The following RUVBL2 variants were observed in gnomAD, a reference collection of about 807,000 sequenced individuals.
RUVBL2 encodes ruvB-like 2.
Under a neutral mutation model 57.9 loss-of-function variants are expected in RUVBL2, and 9 were observed. The observed-to-expected ratio is 0.16, with a 90% CI of 0.09 to 0.27. The LOEUF is 0.27. RUVBL2 is among the 10% of genes least tolerant of loss of function. The pLI is 1.00. For missense variants in RUVBL2, 456 were observed against 669.6 expected (o/e 0.68, Z 3.52); for synonymous variants, 278 against 264.6 (o/e 1.05, Z -0.49).
intron 8 of RUVBL2, 192 bp from the exon 9 acceptor site, chr19:49,010,296 G>C: frequency 1.4e-6 from 1 of 690,388 alleles, no homozygotes; most frequent in Non-Finnish European, 2.4e-6. Flanking sequence ...GGGAGCCCCC[G>C]TGACCCTCAG....
At chr19:49,003,674 C>T (rs1336543437) in intron 3 of RUVBL2, among the ~76,000 whole-genome samples, 3 of 151,758 alleles carry the variant, frequency 2.0e-5, no homozygotes, top group Admixed American at 6.6e-5. Context: ...ATTCCAGCTA[C>T]TCAAGAGCCT....
chr19:49,010,540 T>G lies in RUVBL2; in HGVS notation c.716T>G (p.Val239Gly). Residue 239 changes from valine (V) to glycine (G), a missense_variant, in exon 9 of 15, where the codon GTG (valine) becomes GGG (glycine). Coordinates refer to ENST00000595090, the MANE Select transcript of RUVBL2 (RefSeq NM_006666.3). ...GAGCTCCAGAAACGCAAGGAGGTGGTGCACACCGTGTCCCTGCACGAGATC... is the reference window on the plus strand; with the variant it reads ...GAGCTCCAGAAACGCAAGGAGGTGGGGCACACCGTGTCCCTGCACGAGATC... ...DGELQKRKEV[V>G]HTVSLHEIDV... is the part of the protein sequence containing the mutation. 1 of 1,571,504 alleles carries G rather than the reference T, an allele frequency of 6.4e-7. No individual in the cohort carries two copies. The highest frequency in any genetic ancestry group is 8.6e-7 in the Non-Finnish European group (1 of 1,161,678).
Position 49,007,292 on chromosome 19 carries a change from C to T in RUVBL2, c.396-10C>T. 2 of 1,613,512 alleles carry T rather than the reference C, an allele frequency of 1.2e-6. No individual in the cohort carries two copies. Among genetic ancestry groups the T allele is most frequent in the Non-Finnish European group, 1.7e-6 (2 of 1,179,706 alleles). On this transcript the variant is annotated splice_polypyrimidine_tract_variant and intron_variant, in intron 5 of 14. Coordinates refer to ENST00000595090, the MANE Select transcript of RUVBL2 (RefSeq NM_006666.3). Reference sequence around the variant, plus strand: ...GTCAGGCTGTCTCCTCAGATCTGCTCTCTGGCTAGGGAGGAGACGGAGATC... The same window carrying T: ...GTCAGGCTGTCTCCTCAGATCTGCTTTCTGGCTAGGGAGGAGACGGAGATC...
In RUVBL2 at chr19:49,011,769, G is replaced by A. The variant is rs1383783989; in HGVS notation, c.1001+459G>A. 1.3e-5 allele frequency among the ~76,000 whole-genome samples: 2 copies of A among 152,030 alleles called. No homozygotes were observed. Among genetic ancestry groups the A allele is most frequent in the Non-Finnish European group, 2.9e-5 (2 of 67,980 alleles). On this transcript the variant is annotated intron_variant, in intron 11 of 14. Transcript: ENST00000595090. The surrounding 1 kb of genome is among the most constrained non-coding windows in gnomAD (Gnocchi z 4.4). ...ATTCCCATGACACAGAGGGTACCGT[G>A]CTCTGCTGAAGCCTGGGAACCTCAT...
intron 11 of RUVBL2, among the ~76,000 whole-genome samples, chr19:49,013,666 G>C (rs1038591337): frequency 1.3e-5 from 2 of 152,176 alleles, no homozygotes; most frequent in African/African-American, 4.8e-5. Context: ...TGTAATCCCA[G>C]CACTTTGGGA....
chr19:48,995,874 C>T (rs1451909354), intron 1 of RUVBL2, among the ~76,000 whole-genome samples: 1 of 151,582 alleles, frequency 6.6e-6, no homozygotes, highest in Non-Finnish European at 1.5e-5. Context: ...GTAGTCCCAA[C>T]TACTCTGGAG....
At chr19:49,012,816 C>T (rs2039456866) in intron 11 of RUVBL2, among the ~76,000 whole-genome samples, 1 of 150,706 alleles carries the variant, frequency 6.6e-6, no homozygotes, top group South Asian at 2.1e-4. Flanking sequence ...GAGGCACGAT[C>T]ATGGCACACT....
intron 4 of RUVBL2, among the ~76,000 whole-genome samples, chr19:49,004,684 C>T (rs1482391681): frequency 1.3e-5 from 2 of 152,082 alleles, no homozygotes; most frequent in Non-Finnish European, 2.9e-5. Flanking sequence ...AAGAGGGCTG[C>T]CAGAGCTCCA....
Position 49,003,181 on chromosome 19 carries a change from C to T in RUVBL2, c.68-98C>T, listed in dbSNP as rs575326071. 34 of 856,060 alleles carry T rather than the reference C, an allele frequency of 4.0e-5. 1 individual carries two copies. The East Asian group carries it at 6.1e-4, about 15-fold the overall frequency. The allele number at this position is 856,060 out of a possible 1,614,324, so 53.0% of individuals were successfully genotyped here. On this transcript the variant is annotated intron_variant, in intron 2 of 14. Coordinates refer to ENST00000595090, the MANE Select transcript of RUVBL2 (RefSeq NM_006666.3). The stretch of plus-strand genomic sequence containing the variant: ...AACCCCTGCTCCCTACTCCCACCCA[C>T]CCCTTTGACAAAGAAGGAAACCAGG...
At chr19:48,996,670 C>T (rs2039068214) in intron 1 of RUVBL2, among the ~76,000 whole-genome samples, 1 of 152,136 alleles carries the variant, frequency 6.6e-6, no homozygotes, top group South Asian at 2.1e-4. Context: ...GGATTACAGG[C>T]ACCTGCCACC....
At chr19:49,003,445 G>A in intron 3 of RUVBL2, 111 bp downstream of exon 3, 2 of 940,384 alleles carry the variant, frequency 2.1e-6, no homozygotes, top group Non-Finnish European at 1.6e-6. Context: ...TGGACCTTTG[G>A]CTACATACCC....
intron 3 of RUVBL2, 104 bp downstream of exon 3, chr19:49,003,438 A>C: frequency 9.8e-7 from 1 of 1,017,656 alleles, no homozygotes; most frequent in Non-Finnish European, 1.5e-6. Context: ...GGTCTTCTGG[A>C]CCTTTGGCTA....
intron 1 of RUVBL2, 132 bp downstream of exon 1, chr19:48,994,055 A>C: frequency 1.4e-6 from 1 of 716,354 alleles, no homozygotes; most frequent in South Asian, 1.8e-5. Flanking sequence ...GGTCTGAAAG[A>C]GGAGGAAGCT....
At chr19:49,010,197 T>C in intron 8 of RUVBL2, 131 bp downstream of exon 8, 1 of 912,456 alleles carries the variant, frequency 1.1e-6, no homozygotes. Flanking sequence ...CTCCTGGGTC[T>C]TCCCTGTAAC....
chr19:48,999,094 G>A (rs2039124863), intron 1 of RUVBL2, among the ~76,000 whole-genome samples: 1 of 152,100 alleles, frequency 6.6e-6, no homozygotes, highest in Non-Finnish European at 1.5e-5. Flanking sequence ...GCTGGACCCT[G>A]AGGACCAAGC....
At position 49,009,960 on chromosome 19, in the gene RUVBL2, C is replaced by T. The variant is rs377317830; in HGVS notation, c.570-13C>T. 18 of 1,607,500 alleles carry T rather than the reference C, an allele frequency of 1.1e-5. No homozygotes were observed. Among genetic ancestry groups the T allele is most frequent in the Admixed American group, 1.7e-5 (1 of 59,656 alleles). ...CCATTCCTTTCCTTACCCTACCCCC[C>T]ATCCCCCTGTAGGGACGTGATCACC... On this transcript the variant is annotated splice_polypyrimidine_tract_variant and intron_variant, in intron 7 of 14. Transcript: ENST00000595090.
rs372641532 is a variant in RUVBL2, at chr19:49,010,462, G to A, written c.664-26G>A. On this transcript the variant is annotated intron_variant, in intron 8 of 14. Transcript: ENST00000595090. Reference sequence around the variant, plus strand: ...TGCCCTTCCCTGCCCTGTCTCCGCCGTTCTTCCCCCACCCCCGCCCCATAG... The same window carrying A: ...TGCCCTTCCCTGCCCTGTCTCCGCCATTCTTCCCCCACCCCCGCCCCATAG... 63 of 1,561,526 alleles carry A rather than the reference G, an allele frequency of 4.0e-5. No individual in the cohort carries two copies. The Middle Eastern group carries it at 1.0e-3, about 25-fold the overall frequency.
Position 49,015,835 on chromosome 19 carries a change from C to A in RUVBL2, c.1385C>A (p.Thr462Asn), listed in dbSNP as rs367773986. Residue 462 changes from threonine to asparagine, a missense_variant, in exon 15 of 15, where the codon ACC becomes AAC. By Grantham distance (65) the Thr-to-Asn change is moderately conservative. Around this residue, in one of 5 missense-constraint regions of RUVBL2, gnomAD observed 67 missense variants for 71.5 expected, o/e 0.94. Coordinates refer to ENST00000595090, the MANE Select transcript of RUVBL2 (RefSeq NM_006666.3). ...FNELKGETMD[T>N]S is the part of the protein sequence containing the mutation. ...CCCACAGAAGGCGAGACCATGGACA[C>A]CTCCTGAGTTGGATGTCATCCCCCG... The A allele has an allele frequency of 6.2e-7, 1 of 1,614,196 alleles. No individual in the cohort carries two copies. The highest frequency in any genetic ancestry group is 1.7e-5 in the Admixed American group (1 of 60,022).
intron 1 of RUVBL2, among the ~76,000 whole-genome samples, chr19:48,998,385 T>G (rs1356899019): frequency 6.6e-6 from 1 of 152,090 alleles, no homozygotes; most frequent in Non-Finnish European, 1.5e-5. Flanking sequence ...CTTATGGAGC[T>G]CACAGTTATT....
Sources: allele counts gnomAD v4.1 joint callset (sites outside exome capture counted in the v4.1 genomes callset), GRCh38; gene constraint gnomAD v4.1.1; regional missense constraint gnomAD v4.1.1; non-coding constraint Gnocchi (gnomAD v3.1); transcripts MANE v1.5; gene names NCBI Gene and HGNC (gene_info 2026-07-23, HGNC 2026-07-21).